The following MDGA1 variants were observed in gnomAD, a reference collection of about 807,000 sequenced individuals.
MDGA1 encodes MAM domain containing glycosylphosphatidylinositol anchor 1.
A neutral mutation model predicts 101.5 loss-of-function variants in MDGA1; 54 were observed. The ratio of observed to expected loss-of-function variants is 0.53; its 90% CI spans 0.43 to 0.67. MDGA1 has a LOEUF of 0.67. MDGA1 is among the 30% of genes least tolerant of loss of function. The pLI is 0.00. For missense variants in MDGA1, 1,083 were observed against 1,323.8 expected (o/e 0.82, Z 2.82); for synonymous variants, 533 against 558.3 (o/e 0.95, Z 0.64).
At chr6:37,685,853 ACC>A (rs954529843) in intron 1 of MDGA1, among the ~76,000 whole-genome samples, 3 of 151,692 alleles carry the variant, frequency 2.0e-5, no homozygotes, top group Non-Finnish European at 2.9e-5. Context: ...CAGGACCCCC[ACC>A]CCCACCCCAC....
chr6:37,638,475 G>C lies in MDGA1; in HGVS notation c.2667+62C>G. Reference sequence around the variant, plus strand: ...AGGAAGAAGGACAAGGTTTTCCTAAGTGTTTCCTGGCCACAGCAACCACCG... The same window carrying C: ...AGGAAGAAGGACAAGGTTTTCCTAACTGTTTCCTGGCCACAGCAACCACCG... On this transcript the variant is annotated intron_variant, in intron 15 of 16. Transcript: ENST00000434837. The surrounding 1 kb of genome is among the most constrained non-coding windows in gnomAD (Gnocchi z 4.8). 1.2e-6 allele frequency: 2 copies of C among 1,605,750 alleles called. No homozygotes were observed. The highest frequency in any genetic ancestry group is 1.7e-6 in the Non-Finnish European group (2 of 1,174,540).
Position 37,652,662 on chromosome 6 carries a change from C to T in MDGA1, c.983-322G>A, listed in dbSNP as rs1761397199. 6.6e-6 allele frequency among the ~76,000 whole-genome samples: 1 copy of T among 152,230 alleles called. No individual in the cohort carries two copies. The highest frequency in any genetic ancestry group is 1.5e-5 in the Non-Finnish European group (1 of 68,040). ...CATCCCAGAATCTCTGAAGGAGATG[C>T]TTTATTACCCCCATTTTACAAAGAA... On this transcript the variant is annotated intron_variant, in intron 6 of 16. Coordinates refer to ENST00000434837, the MANE Select transcript of MDGA1 (RefSeq NM_153487.4). This position sits in a 1 kb window ranked among gnomAD's most constrained non-coding sequence, Gnocchi z 4.3.
At chr6:37,665,311 C>T (rs894344719) in intron 1 of MDGA1, among the ~76,000 whole-genome samples, 1 of 152,108 alleles carries the variant, frequency 6.6e-6, no homozygotes, top group East Asian at 1.9e-4. Context: ...ATACTGGGCA[C>T]GAGGAACACA....
At chr6:37,679,226 GTA>G (rs1762043422) in intron 1 of MDGA1, among the ~76,000 whole-genome samples, 2 of 152,072 alleles carry the variant, frequency 1.3e-5, no homozygotes, top group African/African-American at 4.8e-5. Context: ...TTGAAATCGA[GTA>G]GGTGGGGGGA....
intron 1 of MDGA1, among the ~76,000 whole-genome samples, chr6:37,684,563 A>G (rs1315988389): frequency 6.6e-6 from 1 of 152,234 alleles, no homozygotes; most frequent in Non-Finnish European, 1.5e-5. Flanking sequence ...GTCCTTTGAC[A>G]TGGCTTTTAA....
rs543309716 is a variant in MDGA1, at chr6:37,649,259, C to T, written c.1617G>A (p.Pro539=). The part of the protein sequence containing the change: ...AQVQLNVQFP[P]EVEPSSQDVR... ...CGTCCTGGGAACTGGGCTCCACCTCCGGCGGGACTGGGGGCGGGAGCGGCG... is the reference window on the plus strand; with the variant it reads ...CGTCCTGGGAACTGGGCTCCACCTCTGGCGGGACTGGGGGCGGGAGCGGCG... The change falls in exon 9 of 17, where the codon CCG becomes CCA. Residue 539 remains proline (P), a synonymous_variant. Coordinates refer to ENST00000434837, the MANE Select transcript of MDGA1 (RefSeq NM_153487.4). 5.9e-4 allele frequency: 889 copies of T among 1,500,152 alleles called. 6 individuals are homozygous for T. The African/African-American group carries it at 0.012, about 19-fold the overall frequency. 92.9% of individuals were successfully genotyped at this position (1,500,152 alleles called of 1,614,324 possible). A position where few individuals can be genotyped will look rare whatever the true frequency, so the allele number is the denominator to read the frequency against.
chr6:37,690,917 T>C (rs1354868809), intron 1 of MDGA1, among the ~76,000 whole-genome samples: 1 of 152,006 alleles, frequency 6.6e-6, no homozygotes, highest in East Asian at 1.9e-4. Context: ...CAATGTGCCC[T>C]CCACCTGGAA....
At position 37,647,335 on chromosome 6, in the gene MDGA1, G is replaced by A. The variant is rs191471367; in HGVS notation, c.1895-11C>T. ...GGCTGTAGGCTTTGGCTAAGAGGGC[G>A]GGGAGGGGGGCATTGGGCCGTGGAG... On this transcript the variant is annotated splice_polypyrimidine_tract_variant and intron_variant, in intron 9 of 16. Coordinates refer to ENST00000434837, the MANE Select transcript of MDGA1 (RefSeq NM_153487.4). 1.1e-3 allele frequency: 1,727 copies of A among 1,520,492 alleles called. 12 individuals carry two copies. The highest frequency in any genetic ancestry group is 7.5e-3 in the African/African-American group (546 of 72,770). The allele number at this position is 1,520,492 out of a possible 1,614,324, so 94.2% of individuals were successfully genotyped here.
intron 2 of MDGA1, among the ~76,000 whole-genome samples, chr6:37,662,569 A>G (rs1761649949): frequency 6.6e-6 from 1 of 151,444 alleles, no homozygotes; most frequent in Admixed American, 6.6e-5. Flanking sequence ...ACAGGAGGTC[A>G]AGGCTACAGT....
intron 1 of MDGA1, among the ~76,000 whole-genome samples, chr6:37,671,127 T>C (rs1487563396): frequency 6.6e-6 from 1 of 152,196 alleles, no homozygotes; most frequent in Non-Finnish European, 1.5e-5. Context: ...AAACAGCCTC[T>C]GCCAACCTGT....
chr6:37,635,958 A>G lies in MDGA1; in HGVS notation c.*1410T>C. On this transcript the variant is annotated 3_prime_UTR_variant, in exon 17 of 17. Transcript: ENST00000434837. ...ATCCAGTCTCACAGGCAGATATGTG[A>G]GATTGCACACACAGACCTGTGTTTG... is the stretch of plus-strand genomic sequence containing the variant. 2.6e-6 allele frequency: 1 copy of G among 389,452 alleles called. No homozygotes were observed. The highest frequency in any genetic ancestry group is 4.5e-6 in the Non-Finnish European group (1 of 220,362). The allele number at this position is 389,452 out of a possible 1,614,324, so 24.1% of individuals were successfully genotyped here.
chr6:37,646,349 C>A lies in MDGA1; in HGVS notation c.2073G>T (p.Lys691Asn), dbSNP rs200578177. The A allele has an allele frequency of 1.2e-4, 194 of 1,561,348 alleles. No homozygotes were observed. Among genetic ancestry groups the A allele is most frequent in the Admixed American group, 7.5e-5 (4 of 53,382 alleles). ...TCTCCACACGCCGGACCGGGATGGC[C>A]TTGACCACCGCATTGTGCTGGTTCA... ...RQLNQHNAVVKAIPVRRVEKG... is the reference protein window; with the variant it reads ...RQLNQHNAVVNAIPVRRVEKG... The change falls in exon 11 of 17, where the codon AAG (lysine) becomes AAT (asparagine). Residue 691 changes from lysine (K) to asparagine (N), a missense_variant. By Grantham distance (94) the Lys-to-Asn change is moderately conservative. Around this residue, in one of 3 missense-constraint regions of MDGA1, gnomAD observed 657 missense variants for 771.4 expected, o/e 0.85. Coordinates refer to ENST00000434837, the MANE Select transcript of MDGA1 (RefSeq NM_153487.4).
rs142410077 is a variant in MDGA1 at position 37,688,035 on chromosome 6, T to C, written c.67+8710A>G. ...GTAGAAAGCCTCCTTGCTCACAGTT[T>C]AGAAAATAATCAGTGGATTTTGTTT... is the stretch of plus-strand genomic sequence containing the variant. On this transcript the variant is annotated intron_variant, in intron 1 of 16. Transcript: ENST00000434837. Among the ~76,000 whole-genome samples the C allele has an allele frequency of 4.8e-3, 728 of 152,308 alleles. 3 individuals carry two copies. Among genetic ancestry groups the C allele is most frequent in the African/African-American group, 0.016 (677 of 41,566 alleles).
At chr6:37,692,188 C>T (rs1366167235) in intron 1 of MDGA1, among the ~76,000 whole-genome samples, 6 of 152,188 alleles carry the variant, frequency 3.9e-5, no homozygotes, top group Admixed American at 6.5e-5. Context: ...CCAAGCCCTC[C>T]CCCTGCTGGC....
intron 7 of MDGA1, among the ~76,000 whole-genome samples, chr6:37,651,471 C>T (rs1365913723): frequency 6.6e-6 from 1 of 152,182 alleles, no homozygotes; most frequent in Non-Finnish European, 1.5e-5. Context: ...AACATTTATG[C>T]ATTTATTGGC....
At chr6:37,657,752 A>T (rs774936880) in intron 3 of MDGA1, among the ~76,000 whole-genome samples, 14 of 152,186 alleles carry the variant, frequency 9.2e-5, no homozygotes, top group Non-Finnish European at 2.1e-4. Context: ...GCAGGTAGGG[A>T]CTGGCAGCTT....
rs904299599 is a variant in MDGA1, at chr6:37,645,535, CAAAAGAAAAA to C, written c.2248+388_2248+397del. Among the ~76,000 whole-genome samples the C allele has an allele frequency of 2.8e-5, 3 of 108,858 alleles. No individual in the cohort carries two copies. The Admixed American group carries it at 3.0e-4, about 11-fold the overall frequency. 71.4% of individuals were successfully genotyped at this position (108,858 alleles called of 152,430 possible). A position where few individuals can be genotyped will look rare whatever the true frequency, so the allele number is the denominator to read the frequency against. On this transcript the variant is annotated intron_variant, in intron 12 of 16. Coordinates refer to ENST00000434837, the MANE Select transcript of MDGA1 (RefSeq NM_153487.4). Reference sequence around the variant, plus strand: ...TGGACAACAGAGTGAGACTCCATCTCAAAAGAAAAAAAAAGAAATTAATTGTATGCCTTTC... The same window carrying C: ...TGGACAACAGAGTGAGACTCCATCTCAAAAGAAATTAATTGTATGCCTTTC...
rs1240631559 is a variant in MDGA1, at chr6:37,655,083, G to A, written c.580-151C>T. 8 of 938,984 alleles carry A rather than the reference G, an allele frequency of 8.5e-6. No homozygotes were observed. The Admixed American group carries it at 1.6e-4, about 19-fold the overall frequency. 58.2% of individuals were successfully genotyped at this position (938,984 alleles called of 1,614,324 possible). On this transcript the variant is annotated intron_variant, in intron 4 of 16. Coordinates refer to ENST00000434837, the MANE Select transcript of MDGA1 (RefSeq NM_153487.4). This position sits in a 1 kb window ranked among gnomAD's most constrained non-coding sequence, Gnocchi z 5.1. ...CCCACCCTCACCATTTAGCCCCAGG[G>A]GTCCTGAGCCTGGGGTGGATGCTAC... is the stretch of plus-strand genomic sequence containing the variant.
chr6:37,654,168 C>CA, intron 6 of MDGA1, 106 bp downstream of exon 6: 1 of 1,320,662 alleles, frequency 7.6e-7, no homozygotes, highest in Non-Finnish European at 1.0e-6. Flanking sequence ...ACTCATCTAC[C>CA]AAGGAGAAGC....
Sources: gnomAD v4.1 joint callset for allele counts (sites outside exome capture counted in the v4.1 genomes callset) on GRCh38, gnomAD v4.1.1 for gene constraint, gnomAD v4.1.1 regional missense constraint, Gnocchi (gnomAD v3.1) non-coding constraint, MANE v1.5 for transcripts, NCBI Gene and HGNC (gene_info 2026-07-23, HGNC 2026-07-21) for gene names.